Variants in OTOGL observed in about 807,000 individuals in gnomAD.
The protein encoded by OTOGL is otogelin like, also known as otogelin-like protein.
Under a neutral mutation model 318.5 loss-of-function variants are expected in OTOGL, and 285 were observed. The ratio of observed to expected loss-of-function variants is 0.89; its 90% confidence interval spans 0.81 to 0.99. The LOEUF is 0.99. Ranked by LOEUF, OTOGL falls within the 50% of genes least tolerant of loss-of-function variation. OTOGL has a pLI of 0.00. For missense variants in OTOGL, 2,899 were observed against 2,845.6 expected (o/e 1.02, Z -0.43); for synonymous variants, 987 against 936.5 (o/e 1.05, Z -0.99).
rs1881752126 is a variant in OTOGL, at chr12:80,253,480, A to T, written c.1300A>T (p.Asn434Tyr). 2.5e-6 allele frequency: 4 copies of T among 1,612,916 alleles called. No individual in the cohort carries two copies. Among genetic ancestry groups the T allele is most frequent in the Non-Finnish European group, 3.4e-6 (4 of 1,179,016 alleles). Residue 434 changes from asparagine (N) to tyrosine (Y), a missense_variant, in exon 14 of 59, where the codon AAT becomes TAT. This residue lies in a region of OTOGL where 2,607 missense variants were observed against 2,524.9 expected (regional missense o/e 1.03). Transcript: ENST00000547103. Reference protein sequence around the residue: ...CYCPDGLVMDNGTCISLENCP... With the variant: ...CYCPDGLVMDYGTCISLENCP... ...TTCTCAATTAGGCCTCGTAATGGAC[A>T]ATGGGACTTGCATCTCCTTGGAAAA...
At chr12:80,141,127 G>C (rs74108518) in intron 1 of OTOGL, among the ~76,000 whole-genome samples, 9,728 of 152,110 alleles carry the variant, frequency 0.064, 983 homozygotes, top group African/African-American at 0.22. Flanking sequence ...TAAAGGAAAG[G>C]GCTGGTAATT....
intron 1 of OTOGL, among the ~76,000 whole-genome samples, chr12:80,127,433 C>T (rs1029068871): frequency 2.0e-5 from 3 of 152,220 alleles, no homozygotes; most frequent in Non-Finnish European, 2.9e-5. Flanking sequence ...ATGGGCTTCC[C>T]TTTGTGGGTA....
At chr12:80,249,172 A>G (rs1177228720) in intron 11 of OTOGL, among the ~76,000 whole-genome samples, 2 of 147,746 alleles carry the variant, frequency 1.4e-5, no homozygotes, top group South Asian at 4.2e-4. Flanking sequence ...GCTCGTCAAA[A>G]TCATTCTCCA....
chr12:80,198,921 C>T (rs1876273672), intron 1 of OTOGL, among the ~76,000 whole-genome samples: 3 of 152,102 alleles, frequency 2.0e-5, no homozygotes, highest in Non-Finnish European at 4.4e-5. Flanking sequence ...GGCTGTTTTC[C>T]TCCATTTAGC....
chr12:80,212,021 G>C (rs1877299397), intron 4 of OTOGL, 24 bp downstream of exon 4: 1 of 1,546,808 alleles, frequency 6.5e-7, no homozygotes, highest in Non-Finnish European at 8.7e-7. Context: ...CAGGTGGAGA[G>C]AGAGGCAGAG....
At chr12:80,102,888 A>G in intron 1 of OTOGL, 1 of 790,048 alleles carries the variant, frequency 1.3e-6, no homozygotes, top group East Asian at 2.4e-5. Flanking sequence ...CAAAGCTTGT[A>G]TATAAGATTA....
intron 22 of OTOGL, among the ~76,000 whole-genome samples, chr12:80,267,813 A>C (rs1483419624): frequency 6.6e-6 from 1 of 151,994 alleles, no homozygotes. Context: ...TGACATTTCA[A>C]AGTGAAATAA....
chr12:80,124,805 G>T lies in OTOGL; in HGVS notation c.-20+25200G>T, dbSNP rs1254440596. Among the ~76,000 whole-genome samples, 3 of 152,216 alleles carry T rather than the reference G, an allele frequency of 2.0e-5. No homozygotes were observed. In the East Asian group the frequency reaches 5.8e-4, roughly 29 times the overall value. On this transcript the variant is annotated intron_variant, in intron 1 of 58. Transcript: ENST00000547103. ...ATTTTATTCTCTTTGAAGCAATTGT[G>T]AATGGGAGTTCACTCATGATTTGGC...
intron 1 of OTOGL, among the ~76,000 whole-genome samples, chr12:80,193,812 GA>G (rs1875864832): frequency 6.6e-6 from 1 of 152,160 alleles, no homozygotes; most frequent in Non-Finnish European, 1.5e-5. Flanking sequence ...TGTTTAGACA[GA>G]AACATTTTCC....
chr12:80,118,889 AAGG>A (rs1870323495), intron 1 of OTOGL, among the ~76,000 whole-genome samples: 1 of 150,480 alleles, frequency 6.6e-6, no homozygotes, highest in Non-Finnish European at 1.5e-5. Context: ...TGGTCATAAG[AAGG>A]AGAAGAATTG....
At chr12:80,294,990 G>GGA (rs1885285945) in intron 26 of OTOGL, among the ~76,000 whole-genome samples, 1 of 151,922 alleles carries the variant, frequency 6.6e-6, no homozygotes, top group South Asian at 2.1e-4. Flanking sequence ...CAGCTACTCA[G>GGA]GAGGCCAAGG....
intron 1 of OTOGL, among the ~76,000 whole-genome samples, chr12:80,105,056 A>G (rs1869375692): frequency 1.3e-5 from 2 of 152,062 alleles, no homozygotes; most frequent in Non-Finnish European, 2.9e-5. Flanking sequence ...AGATTGCACC[A>G]TTGCACTCTG....
At chr12:80,209,775 C>T (rs1016878430) in intron 2 of OTOGL, among the ~76,000 whole-genome samples, 4 of 152,056 alleles carry the variant, frequency 2.6e-5, no homozygotes, top group South Asian at 2.1e-4. Context: ...TTTTAGTTTT[C>T]ATTTCTTGAA....
At chr12:80,158,576 C>T (rs1463297114) in intron 1 of OTOGL, among the ~76,000 whole-genome samples, 1 of 151,766 alleles carries the variant, frequency 6.6e-6, no homozygotes, top group African/African-American at 2.4e-5. Context: ...ATTATATATA[C>T]ATATATATGT....
chr12:80,256,445 G>A lies in OTOGL; in HGVS notation c.1696G>A (p.Gly566Ser). The A allele has an allele frequency of 6.3e-7, 1 of 1,582,874 alleles. No homozygotes were observed. Among genetic ancestry groups the A allele is most frequent in the African/African-American group, 1.3e-5 (1 of 74,744 alleles). The change falls in exon 17 of 59, where the codon GGC becomes AGC. Residue 566 changes from glycine (G) to serine (S), a missense_variant. Gly to Ser is a moderately conservative substitution (Grantham distance 56). Transcript: ENST00000547103. The stretch of plus-strand genomic sequence containing the variant: ...ACAAATTCTCACTAGTCCTAACCAA[G>A]GCTTCAACCTGAATGGTAAGAAACA... The part of the protein sequence containing the change: ...GGQILTSPNQ[G>S]FNLNGIVEIQ...
chr12:80,200,339 A>G (rs1876371801), intron 1 of OTOGL, among the ~76,000 whole-genome samples: 1 of 152,248 alleles, frequency 6.6e-6, no homozygotes. Flanking sequence ...CTATGGAGAA[A>G]CAAGGAAAGG....
chr12:80,119,044 G>A (rs1441298611), intron 1 of OTOGL, among the ~76,000 whole-genome samples: 10 of 152,128 alleles, frequency 6.6e-5, no homozygotes. Context: ...TTTCCTATCT[G>A]ATGGGAATTT....
intron 1 of OTOGL, among the ~76,000 whole-genome samples, chr12:80,114,687 G>T (rs1870053455): frequency 6.6e-6 from 1 of 152,002 alleles, no homozygotes; most frequent in South Asian, 2.1e-4. Flanking sequence ...AAGTTCTCCT[G>T]GATAATATCC....
intron 57 of OTOGL, among the ~76,000 whole-genome samples, chr12:80,372,777 C>T (rs1890959533): frequency 1.3e-5 from 2 of 151,904 alleles, no homozygotes; most frequent in South Asian, 4.1e-4. Flanking sequence ...CAACCTCTTC[C>T]TGCCGGGTCC....
Sources: gnomAD v4.1 joint callset for allele counts (sites outside exome capture counted in the v4.1 genomes callset) on GRCh38, gnomAD v4.1.1 for gene constraint, gnomAD v4.1.1 regional missense constraint, MANE v1.5 for transcripts, NCBI Gene and HGNC (gene_info 2026-07-23, HGNC 2026-07-21) for gene names.